ROBO1: variants seen among roughly 807,000 people sequenced by gnomAD.
ROBO1 encodes roundabout guidance receptor 1, also known as roundabout homolog 1.
In ROBO1, 149 loss-of-function variants were observed where a neutral mutation model predicts 195.9. That is an observed-to-expected ratio of 0.76 (90% CI 0.67 to 0.87). The LOEUF (loss-of-function observed/expected upper bound fraction) is 0.87. Ranked by LOEUF, ROBO1 falls within the 40% of genes least tolerant of loss-of-function variation. ROBO1 has a pLI of 0.00. For missense variants in ROBO1, 1,933 were observed against 2,068.3 expected (o/e 0.93, Z 1.27); for synonymous variants, 816 against 733.2 (o/e 1.11, Z -1.82).
At chr3:79,629,854 T>A (rs1352128166) in intron 1 of ROBO1, among the ~76,000 whole-genome samples, 2 of 152,050 alleles carry the variant, frequency 1.3e-5, no homozygotes, top group South Asian at 4.1e-4. Context: ...GAGGCTACTA[T>A]GAGCATCTCT....
chr3:79,030,686 G>C (rs2078279448), intron 3 of ROBO1, among the ~76,000 whole-genome samples: 1 of 152,004 alleles, frequency 6.6e-6, no homozygotes, highest in Non-Finnish European at 1.5e-5. Flanking sequence ...TTGTCATCTA[G>C]AGCTTTATAT....
chr3:78,620,467 G>A (rs4681004), intron 26 of ROBO1, among the ~76,000 whole-genome samples: 48,077 of 151,950 alleles, frequency 0.32, 9,334 homozygotes, highest in Admixed American at 0.44. Flanking sequence ...ATCCAAGATC[G>A]TGCCACTGCA....
At chr3:79,217,156 C>T (rs934423096) in intron 2 of ROBO1, among the ~76,000 whole-genome samples, 1 of 152,038 alleles carries the variant, frequency 6.6e-6, no homozygotes, top group African/African-American at 2.4e-5. Context: ...TTTCAGCAAC[C>T]TGGTAATCCT....
chr3:79,690,475 A>G (rs1947267127), intron 1 of ROBO1, among the ~76,000 whole-genome samples: 1 of 151,798 alleles, frequency 6.6e-6, no homozygotes, highest in Non-Finnish European at 1.5e-5. Context: ...CAAAATCCAA[A>G]CCAGATTCTC....
At chr3:78,847,044 G>A (rs2106815399) in intron 4 of ROBO1, among the ~76,000 whole-genome samples, 1 of 152,174 alleles carries the variant, frequency 6.6e-6, no homozygotes, top group East Asian at 1.9e-4. Context: ...AGCTTGAAAA[G>A]TGCATTAATA....
At chr3:78,811,186 C>T (rs564733293) in intron 4 of ROBO1, among the ~76,000 whole-genome samples, 12 of 152,234 alleles carry the variant, frequency 7.9e-5, no homozygotes, top group African/African-American at 2.6e-4. Flanking sequence ...AAGCCTATTA[C>T]CCTGTGAGTC....
chr3:78,825,306 G>A (rs2031485082), intron 4 of ROBO1, among the ~76,000 whole-genome samples: 1 of 152,096 alleles, frequency 6.6e-6, no homozygotes, highest in East Asian at 1.9e-4. Context: ...ACGGTCTCTG[G>A]CCAGATGATA....
intron 2 of ROBO1, among the ~76,000 whole-genome samples, chr3:79,186,928 GGGA>G (rs2081450404): frequency 6.6e-6 from 1 of 152,032 alleles, no homozygotes; most frequent in Non-Finnish European, 1.5e-5. Flanking sequence ...TGATTTATCT[GGGA>G]AAGCTTTACT....
At chr3:79,582,641 A>T (rs1943696976) in intron 2 of ROBO1, among the ~76,000 whole-genome samples, 1 of 151,996 alleles carries the variant, frequency 6.6e-6, no homozygotes, top group Non-Finnish European at 1.5e-5. Flanking sequence ...TCTAAAATAT[A>T]ATCTTATTAG....
intron 2 of ROBO1, among the ~76,000 whole-genome samples, chr3:79,440,337 A>G (rs2039012167): frequency 6.6e-6 from 1 of 151,992 alleles, no homozygotes; most frequent in Non-Finnish European, 1.5e-5. Flanking sequence ...ACTGCCACTT[A>G]CCCGTCATAC....
chr3:79,385,578 C>G (rs930796207), intron 2 of ROBO1, among the ~76,000 whole-genome samples: 2 of 152,096 alleles, frequency 1.3e-5, no homozygotes, highest in African/African-American at 2.4e-5. Context: ...AAATGTGGAA[C>G]CTGAGACTTT....
chr3:78,614,818 A>C lies in ROBO1; in HGVS notation c.4283-18T>G. 1 of 1,570,896 alleles carries C rather than the reference A, an allele frequency of 6.4e-7. No individual in the cohort carries two copies. Among genetic ancestry groups the C allele is most frequent in the Non-Finnish European group, 8.6e-7 (1 of 1,161,606 alleles). On this transcript the variant is annotated intron_variant, in intron 27 of 30. Transcript: ENST00000464233. ...TCGACGGCCTAAGGAGAAAAAAAAA[A>C]AAAATCCAAGCCAAACTCATCAGTG... is the stretch of plus-strand genomic sequence containing the variant.
chr3:78,713,911 C>T (rs1457305039), intron 8 of ROBO1, among the ~76,000 whole-genome samples: 2 of 152,130 alleles, frequency 1.3e-5, no homozygotes, highest in African/African-American at 2.4e-5. Flanking sequence ...TTGCAAAGTC[C>T]CTGCTCAATA....
At chr3:79,429,139 T>C (rs2107009143) in intron 2 of ROBO1, among the ~76,000 whole-genome samples, 1 of 152,264 alleles carries the variant, frequency 6.6e-6, no homozygotes, top group East Asian at 1.9e-4. Flanking sequence ...ACTTGAAAGA[T>C]GAAACTAGAA....
intron 17 of ROBO1, 111 bp downstream of exon 17, chr3:78,659,575 G>C: frequency 2.7e-6 from 2 of 752,906 alleles, no homozygotes; most frequent in Admixed American, 3.9e-5. Context: ...TTGCTATTTG[G>C]ACCAGCAGAT....
At chr3:79,233,678 A>G (rs189438506) in intron 2 of ROBO1, among the ~76,000 whole-genome samples, 2 of 152,188 alleles carry the variant, frequency 1.3e-5, no homozygotes, top group Admixed American at 1.3e-4. Flanking sequence ...ACTCACCCGC[A>G]TTCTTTTCTC....
At chr3:78,860,611 G>T (rs1404333921) in intron 4 of ROBO1, among the ~76,000 whole-genome samples, 1 of 152,080 alleles carries the variant, frequency 6.6e-6, no homozygotes, top group Non-Finnish European at 1.5e-5. Flanking sequence ...TGACATGGCT[G>T]AAACCAGTAC....
At chr3:79,034,629 A>G (rs1384422575) in intron 3 of ROBO1, among the ~76,000 whole-genome samples, 1 of 152,200 alleles carries the variant, frequency 6.6e-6, no homozygotes, top group Non-Finnish European at 1.5e-5. Context: ...TAAAATAACA[A>G]AGAACTTAAC....
At chr3:79,763,178 A>C (rs1053272528) in intron 1 of ROBO1, among the ~76,000 whole-genome samples, 1 of 152,216 alleles carries the variant, frequency 6.6e-6, no homozygotes, top group African/African-American at 2.4e-5. Context: ...TGGACAAGAA[A>C]TATAAAATTT....
Sources: allele counts gnomAD v4.1 joint callset (sites outside exome capture counted in the v4.1 genomes callset), GRCh38; gene constraint gnomAD v4.1.1; transcripts MANE v1.5; gene names NCBI Gene and HGNC (gene_info 2026-07-23, HGNC 2026-07-21).